GULP1: variants seen among roughly 807,000 people sequenced by gnomAD.
GULP1 encodes the protein PTB domain-containing engulfment adapter protein 1.
GULP1 carries 19 observed loss-of-function variants against 40.9 expected under a neutral mutation model. The observed-to-expected ratio is 0.46, with a 90% CI of 0.32 to 0.68. The LOEUF is 0.68. Among genes scored for constraint, GULP1 ranks in the 30% least tolerant of loss-of-function variants. The pLI is 0.03. For missense variants in GULP1, 312 were observed against 362.2 expected, an observed-to-expected ratio of 0.86 and a Z score of 1.12; for synonymous variants, 119 against 117.6, an observed-to-expected ratio of 1.01 and a Z score of -0.08.
intron 7 of GULP1, among the ~76,000 whole-genome samples, chr2:188,548,965 A>T (rs1692712659): frequency 6.6e-6 from 1 of 151,902 alleles, no homozygotes; most frequent in Admixed American, 6.6e-5. Flanking sequence ...CTGAAAATTC[A>T]TCATGGACTT....
At chr2:188,370,102 C>T (rs535471129) in intron 1 of GULP1, among the ~76,000 whole-genome samples, 11 of 152,270 alleles carry the variant, frequency 7.2e-5, no homozygotes, top group South Asian at 4.1e-4. Context: ...CAGATCCCCA[C>T]GTAAGCCTTA....
chr2:188,342,587 A>G (rs537326724), intron 1 of GULP1, among the ~76,000 whole-genome samples: 9 of 152,242 alleles, frequency 5.9e-5, no homozygotes, highest in South Asian at 2.1e-4. Context: ...AAACCATACT[A>G]TTTTGAGCAT....
At chr2:188,583,641 T>A (rs1274291482) in intron 9 of GULP1, among the ~76,000 whole-genome samples, 2 of 152,194 alleles carry the variant, frequency 1.3e-5, no homozygotes, top group African/African-American at 4.8e-5. Context: ...GGCAGTACAC[T>A]GGCGATTATT....
chr2:188,449,325 G>A (rs2058648798), intron 2 of GULP1, among the ~76,000 whole-genome samples: 1 of 152,108 alleles, frequency 6.6e-6, no homozygotes, highest in Non-Finnish European at 1.5e-5. Context: ...GTTTCAGTGG[G>A]TTCTGTTTTA....
intron 1 of GULP1, chr2:188,297,435 T>C: frequency 2.2e-6 from 1 of 455,464 alleles, no homozygotes; most frequent in Non-Finnish European, 4.5e-6. Context: ...AGTGTTTTCC[T>C]GGTATGGTAC....
Position 188,529,147 on chromosome 2 carries a change from G to A in GULP1, c.213G>A (p.Glu71=). 1.3e-6 allele frequency: 2 copies of A among 1,590,008 alleles called. No homozygotes were observed. Among genetic ancestry groups the A allele is most frequent in the Non-Finnish European group, 1.7e-6 (2 of 1,164,150 alleles). ...AAGGCCAGAAAATTCCTAAAGTGGAGTTGCAAATATCAATTTATGGAGTAA... is the reference window on the plus strand; with the variant it reads ...AAGGCCAGAAAATTCCTAAAGTGGAATTGCAAATATCAATTTATGGAGTAA... ...KSEGQKIPKV[E]LQISIYGVKI... The change falls in exon 6 of 12, where the codon GAG becomes GAA. Residue 71 remains glutamate (E), a synonymous_variant. Coordinates refer to ENST00000409830, the MANE Select transcript of GULP1 (RefSeq NM_016315.4).
At chr2:188,546,107 T>C (rs528578196) in intron 7 of GULP1, among the ~76,000 whole-genome samples, 2 of 151,498 alleles carry the variant, frequency 1.3e-5, no homozygotes, top group Non-Finnish European at 3.0e-5. Context: ...ACTAAAAGAG[T>C]AAATAGACAA....
intron 2 of GULP1, among the ~76,000 whole-genome samples, chr2:188,427,608 C>CTTA (rs1420510450): frequency 6.6e-6 from 1 of 152,216 alleles, no homozygotes; most frequent in Non-Finnish European, 1.5e-5. Context: ...GGGTGCAAGC[C>CTTA]ATAAGCCTTG....
chr2:188,443,188 G>T (rs1054121250), intron 2 of GULP1, among the ~76,000 whole-genome samples: 1 of 151,858 alleles, frequency 6.6e-6, no homozygotes, highest in Admixed American at 6.6e-5. Context: ...AAAGCGGGCT[G>T]TGGGGGTGGG....
At chr2:188,319,636 C>G (rs1041374514) in intron 1 of GULP1, among the ~76,000 whole-genome samples, 1 of 152,106 alleles carries the variant, frequency 6.6e-6, no homozygotes, top group Non-Finnish European at 1.5e-5. Flanking sequence ...CATCAACAAG[C>G]CAGAAATGTA....
At chr2:188,532,397 G>A (rs756589392) in intron 6 of GULP1, among the ~76,000 whole-genome samples, 1 of 152,040 alleles carries the variant, frequency 6.6e-6, no homozygotes, top group Admixed American at 6.6e-5. Context: ...TGCTTAAAGC[G>A]CTACAAGATG....
chr2:188,454,503 C>A (rs2059098355), intron 2 of GULP1, among the ~76,000 whole-genome samples: 1 of 152,184 alleles, frequency 6.6e-6, no homozygotes, highest in Non-Finnish European at 1.5e-5. Flanking sequence ...AAGACAGGTT[C>A]TCAATCTGGT....
intron 2 of GULP1, among the ~76,000 whole-genome samples, chr2:188,476,367 A>T (rs2153032702): frequency 6.6e-6 from 1 of 152,162 alleles, no homozygotes; most frequent in South Asian, 2.1e-4. Flanking sequence ...AACAGCTGAG[A>T]CCTCTAGGCA....
At chr2:188,575,597 A>G (rs1044402977) in intron 9 of GULP1, among the ~76,000 whole-genome samples, 1 of 152,208 alleles carries the variant, frequency 6.6e-6, no homozygotes, top group Non-Finnish European at 1.5e-5. Flanking sequence ...TGCAATCTGA[A>G]TGATAAAATG....
intron 7 of GULP1, among the ~76,000 whole-genome samples, chr2:188,568,465 T>A (rs1698305692): frequency 6.6e-6 from 1 of 152,210 alleles, no homozygotes; most frequent in Non-Finnish European, 1.5e-5. Context: ...GGATGTAAGA[T>A]ATATTTGTGG....
chr2:188,354,127 A>G (rs1377224032), intron 1 of GULP1, among the ~76,000 whole-genome samples: 1 of 152,044 alleles, frequency 6.6e-6, no homozygotes, highest in East Asian at 1.9e-4. Flanking sequence ...CCCAAGCAAT[A>G]GCTACACTAC....
chr2:188,594,038 T>C lies in GULP1; in HGVS notation c.*27T>C, dbSNP rs3820707. ...ATCAAGAACAAGAAATCCTGATTCA[T>C]GTTAAATGTGTTTGTATACACATGT... On this transcript the variant is annotated 3_prime_UTR_variant, in exon 12 of 12. Coordinates refer to ENST00000409830, the MANE Select transcript of GULP1 (RefSeq NM_016315.4). The C allele has an allele frequency of 4.0e-3, 4,925 of 1,236,400 alleles. 242 individuals are homozygous for C. The East Asian group carries it at 0.1, about 25-fold the overall frequency. 76.6% of individuals were successfully genotyped at this position (1,236,400 alleles called of 1,614,324 possible). A position where few individuals can be genotyped will look rare whatever the true frequency, so the allele number is the denominator to read the frequency against.
chr2:188,372,824 A>G (rs928729612), intron 1 of GULP1, among the ~76,000 whole-genome samples: 4 of 151,976 alleles, frequency 2.6e-5, no homozygotes, highest in African/African-American at 7.2e-5. Flanking sequence ...GATAATTGCA[A>G]TCTTCTCTCC....
rs533323516 is a variant in GULP1, at chr2:188,334,309, C to A, written c.-172+42143C>A. Reference sequence around the variant, plus strand: ...TCACTTAGTTCCGGTAACACCTTATCAGATACTTATAATTATTTCTGTTTT... The same window carrying A: ...TCACTTAGTTCCGGTAACACCTTATAAGATACTTATAATTATTTCTGTTTT... On this transcript the variant is annotated intron_variant, in intron 1 of 11. Coordinates refer to ENST00000409830, the MANE Select transcript of GULP1 (RefSeq NM_016315.4). 2.2e-4 allele frequency among the ~76,000 whole-genome samples: 34 copies of A among 152,264 alleles called. 1 individual carries two copies. In the South Asian group the frequency reaches 5.2e-3, roughly 23 times the overall value.
Sources: gnomAD v4.1 joint callset for allele counts (sites outside exome capture counted in the v4.1 genomes callset) on GRCh38, gnomAD v4.1.1 for gene constraint, MANE v1.5 for transcripts, NCBI Gene and HGNC (gene_info 2026-07-23, HGNC 2026-07-21) for gene names.